ASIC2: variants seen among roughly 807,000 people sequenced by gnomAD.
ASIC2 encodes the protein acid-sensing ion channel 2.
Under a neutral mutation model 57.3 loss-of-function variants are expected in ASIC2, and 25 were observed. The ratio of observed to expected loss-of-function variants is 0.44; its 90% CI spans 0.32 to 0.61. ASIC2 has a LOEUF of 0.61. Ranked by LOEUF, ASIC2 falls within the 20% of genes least tolerant of loss-of-function variation. ASIC2 has a pLI of 0.06. For synonymous variants in ASIC2, 319 were observed against 307.5 expected, an observed-to-expected ratio of 1.04 and a Z score of -0.39; for missense variants, 641 against 738.1, an observed-to-expected ratio of 0.87 and a Z score of 1.52.
intron 1 of ASIC2, among the ~76,000 whole-genome samples, chr17:33,319,434 A>G (rs988733577): frequency 1.3e-5 from 2 of 152,220 alleles, no homozygotes; most frequent in Admixed American, 6.5e-5. Flanking sequence ...CCAGTGATGG[A>G]TGGGGAAGAG....
intron 1 of ASIC2, among the ~76,000 whole-genome samples, chr17:33,803,165 G>A (rs577540585): frequency 1.4e-3 from 208 of 152,306 alleles, no homozygotes; most frequent in Admixed American, 2.7e-3. Context: ...GTAATTGCAT[G>A]AGGGAATTTC....
intron 1 of ASIC2, among the ~76,000 whole-genome samples, chr17:34,018,912 T>G (rs1907057606): frequency 6.6e-6 from 1 of 152,028 alleles, no homozygotes; most frequent in Admixed American, 6.5e-5. Context: ...TTCTTTTTGT[T>G]TGTTTTTTTT....
chr17:33,636,662 A>G (rs566958754), intron 1 of ASIC2, among the ~76,000 whole-genome samples: 6 of 152,190 alleles, frequency 3.9e-5, no homozygotes, highest in African/African-American at 7.2e-5. Flanking sequence ...AATTTTCTCA[A>G]TCATTCACTC....
At chr17:33,160,757 G>A (rs372879801) in intron 1 of ASIC2, among the ~76,000 whole-genome samples, 4 of 152,184 alleles carry the variant, frequency 2.6e-5, no homozygotes, top group Non-Finnish European at 4.4e-5. Context: ...GCACTGACAG[G>A]TTCCAAACAG....
chr17:33,973,350 C>A (rs563746407), intron 1 of ASIC2, among the ~76,000 whole-genome samples: 1 of 152,186 alleles, frequency 6.6e-6, no homozygotes, highest in African/African-American at 2.4e-5. Context: ...GCTTCCCATT[C>A]AGGTGCAGGC....
intron 1 of ASIC2, among the ~76,000 whole-genome samples, chr17:33,311,440 G>GTC (rs2142205140): frequency 6.6e-6 from 1 of 151,946 alleles, no homozygotes; most frequent in East Asian, 1.9e-4. Flanking sequence ...GTGTGTGTGT[G>GTC]TGTGTGTGTG....
chr17:34,104,744 TATTA>T (rs922927744), intron 1 of ASIC2, among the ~76,000 whole-genome samples: 10 of 152,132 alleles, frequency 6.6e-5, no homozygotes, highest in South Asian at 2.1e-4. Context: ...AACTTTAATA[TATTA>T]ATTAACCAGA....
intron 1 of ASIC2, among the ~76,000 whole-genome samples, chr17:33,288,815 A>G (rs1872979185): frequency 6.6e-6 from 1 of 152,066 alleles, no homozygotes; most frequent in Admixed American, 6.5e-5. Flanking sequence ...AGGAAACTCA[A>G]GAATAGAGAG....
chr17:33,457,838 A>T (rs1040315884), intron 1 of ASIC2, among the ~76,000 whole-genome samples: 1 of 152,238 alleles, frequency 6.6e-6, no homozygotes, highest in African/African-American at 2.4e-5. Flanking sequence ...AGGCTCAGAG[A>T]GTTAAGCAAT....
At chr17:33,417,308 C>T (rs963606243) in intron 1 of ASIC2, among the ~76,000 whole-genome samples, 4 of 152,144 alleles carry the variant, frequency 2.6e-5, no homozygotes, top group Admixed American at 2.0e-4. Flanking sequence ...ACACGTCTGT[C>T]TATAATTGAA....
intron 1 of ASIC2, among the ~76,000 whole-genome samples, chr17:33,858,895 G>A (rs75895697): frequency 0.029 from 4,438 of 152,282 alleles, 199 homozygotes; most frequent in African/African-American, 0.1. Flanking sequence ...TGTGGCCCTT[G>A]AGTCCCTACT....
intron 1 of ASIC2, chr17:34,038,894 C>A (rs1264537998): frequency 6.2e-7 from 1 of 1,612,630 alleles, no homozygotes; most frequent in African/African-American, 1.3e-5. Context: ...TGAATTTATC[C>A]TTTCCTGTTG....
At chr17:33,536,901 G>A (rs577248394) in intron 1 of ASIC2, among the ~76,000 whole-genome samples, 1 of 152,208 alleles carries the variant, frequency 6.6e-6, no homozygotes, top group East Asian at 1.9e-4. Context: ...TGGGGCAGGG[G>A]GAGGGGTGCT....
At chr17:34,136,444 A>G (rs1912129177) in intron 1 of ASIC2, among the ~76,000 whole-genome samples, 1 of 152,162 alleles carries the variant, frequency 6.6e-6, no homozygotes, top group Non-Finnish European at 1.5e-5. Flanking sequence ...GGCTTTATCT[A>G]CATAACAAGA....
At chr17:33,579,831 G>T (rs976247271) in intron 1 of ASIC2, among the ~76,000 whole-genome samples, 1 of 152,044 alleles carries the variant, frequency 6.6e-6, no homozygotes, top group African/African-American at 2.4e-5. Context: ...GTCTGGCTCG[G>T]GTGGGCTGCA....
intron 1 of ASIC2, among the ~76,000 whole-genome samples, chr17:33,974,036 A>G (rs986743570): frequency 2.6e-5 from 4 of 152,086 alleles, no homozygotes; most frequent in African/African-American, 9.7e-5. Context: ...TTTTCCGTCC[A>G]CTAATCCCCA....
chr17:33,365,474 T>TGGATAAATATCCAA (rs1908774036), intron 1 of ASIC2, among the ~76,000 whole-genome samples: 1 of 152,142 alleles, frequency 6.6e-6, no homozygotes, highest in Admixed American at 6.6e-5. Flanking sequence ...TAAATCTCAC[T>TGGATAAATATCCAA]TTAGAAGATT....
At chr17:33,211,575 C>T (rs573830733) in intron 1 of ASIC2, among the ~76,000 whole-genome samples, 1 of 151,240 alleles carries the variant, frequency 6.6e-6, no homozygotes, top group African/African-American at 2.4e-5. Context: ...ATCTGACCTG[C>T]TGGGGATTCT....
chr17:33,071,622 G>A (rs1309336270), intron 3 of ASIC2, among the ~76,000 whole-genome samples: 1 of 152,106 alleles, frequency 6.6e-6, no homozygotes, highest in Non-Finnish European at 1.5e-5. Flanking sequence ...CATCATGATT[G>A]GATGCCAGAT....
Sources: gnomAD v4.1 joint callset for allele counts (sites outside exome capture counted in the v4.1 genomes callset) on GRCh38, gnomAD v4.1.1 for gene constraint, MANE v1.5 for transcripts, NCBI Gene and HGNC (gene_info 2026-07-23, HGNC 2026-07-21) for gene names.